SAMD8: variants seen among roughly 807,000 people sequenced by gnomAD.
SAMD8 encodes the protein sterile alpha motif domain containing 8.
SAMD8 carries 20 observed loss-of-function variants against 42.0 expected under a neutral mutation model. The ratio of observed to expected loss-of-function variants is 0.48; its 90% CI spans 0.34 to 0.69. The LOEUF is 0.69. SAMD8 is among the 30% of genes least tolerant of loss of function. The pLI is 0.01. For synonymous variants in SAMD8, 162 were observed against 173.0 expected (o/e 0.94, Z 0.50); for missense variants, 328 against 511.6 (o/e 0.64, Z 3.46).
At chr10:75,155,025 A>G (rs1165338897) in intron 2 of SAMD8, among the ~76,000 whole-genome samples, 1 of 151,966 alleles carries the variant, frequency 6.6e-6, no homozygotes, top group Non-Finnish European at 1.5e-5. Context: ...CCGAGTCACT[A>G]CGACTGCAGG....
At chr10:75,123,793 C>A (rs896670624) in intron 1 of SAMD8, among the ~76,000 whole-genome samples, 1 of 151,788 alleles carries the variant, frequency 6.6e-6, no homozygotes, top group Non-Finnish European at 1.5e-5. Context: ...AGGGCTCAAG[C>A]GACTCTCCAG....
chr10:75,102,715 G>A (rs1319531870), intron 1 of SAMD8, among the ~76,000 whole-genome samples: 1 of 152,170 alleles, frequency 6.6e-6, no homozygotes, highest in Non-Finnish European at 1.5e-5. Context: ...CACTTTGGGA[G>A]GCCGAGGTGG....
chr10:75,112,462 C>G (rs1271574902), intron 1 of SAMD8, among the ~76,000 whole-genome samples: 2 of 152,036 alleles, frequency 1.3e-5, no homozygotes, highest in Non-Finnish European at 1.5e-5. Flanking sequence ...CTTTCTCGTT[C>G]GTGCACAGTG....
upstream of SAMD8, chr10:75,111,581 C>T (rs1417375970): frequency 8.0e-6 from 10 of 1,252,394 alleles, no homozygotes; most frequent in Admixed American, 4.1e-4. Context: ...GCCCCCGCCT[C>T]CACTCCGGCT....
At chr10:75,129,532 C>T (rs1277732008) in intron 1 of SAMD8, among the ~76,000 whole-genome samples, 1 of 152,160 alleles carries the variant, frequency 6.6e-6, no homozygotes, top group Non-Finnish European at 1.5e-5. Flanking sequence ...GCCACCGCAC[C>T]CGGCCTGGAC....
At chr10:75,144,136 T>G (rs1840083599) in intron 1 of SAMD8, among the ~76,000 whole-genome samples, 1 of 151,976 alleles carries the variant, frequency 6.6e-6, no homozygotes, top group African/African-American at 2.4e-5. Flanking sequence ...CCAGGCTCTT[T>G]TTTTCTATTT....
intron 1 of SAMD8, among the ~76,000 whole-genome samples, chr10:75,127,463 G>A (rs563161964): frequency 1.4e-4 from 21 of 152,254 alleles, no homozygotes; most frequent in South Asian, 1.2e-3. Context: ...ATAAAATGAG[G>A]AAATTAATAG....
intron 1 of SAMD8, among the ~76,000 whole-genome samples, chr10:75,146,232 C>T (rs1840127800): frequency 6.7e-6 from 1 of 148,466 alleles, no homozygotes; most frequent in Admixed American, 6.7e-5. Flanking sequence ...TATTTGTTTC[C>T]TGGCTCTCAG....
chr10:75,171,165 T>TTTC (rs1554864016), intron 4 of SAMD8, among the ~76,000 whole-genome samples: 1 of 118,526 alleles, frequency 8.4e-6, no homozygotes, highest in African/African-American at 3.7e-5. Context: ...TTTTTCTTTT[T>TTTC]TTTTTTTTTT....
chr10:75,172,007 C>T (rs1051536574), intron 4 of SAMD8, among the ~76,000 whole-genome samples: 1 of 147,372 alleles, frequency 6.8e-6, no homozygotes, highest in Non-Finnish European at 1.5e-5. Flanking sequence ...GCCTGGGTGA[C>T]AGAGCGAGAC....
At chr10:75,149,432 A>G (rs981999322) in intron 1 of SAMD8, among the ~76,000 whole-genome samples, 1 of 152,200 alleles carries the variant, frequency 6.6e-6, no homozygotes, top group Admixed American at 6.5e-5. Flanking sequence ...TAAAAATTTT[A>G]TTGCTAAAGT....
chr10:75,153,626 ATAAAG>A (rs1317072049), intron 2 of SAMD8, among the ~76,000 whole-genome samples: 1 of 151,988 alleles, frequency 6.6e-6, no homozygotes, highest in Non-Finnish European at 1.5e-5. Context: ...AAAAAAATAC[ATAAAG>A]TAAAATAAAA....
chr10:75,106,407 G>A (rs1295919486), intron 1 of SAMD8, among the ~76,000 whole-genome samples: 1 of 151,916 alleles, frequency 6.6e-6, no homozygotes, highest in East Asian at 1.9e-4. Flanking sequence ...CCTGCAAATT[G>A]TTTCCCCTGG....
At chr10:75,165,977 CAAA>C (rs56839743) in intron 3 of SAMD8, among the ~76,000 whole-genome samples, 4 of 62,504 alleles carry the variant, frequency 6.4e-5, no homozygotes, top group Non-Finnish European at 6.8e-5. Context: ...ACCCTGTCTC[CAAA>C]AAAAAAAAAA....
intron 1 of SAMD8, among the ~76,000 whole-genome samples, chr10:75,128,765 A>C (rs1848786748): frequency 6.6e-6 from 1 of 152,186 alleles, no homozygotes; most frequent in African/African-American, 2.4e-5. Context: ...ACACAGTGAT[A>C]CTGGGCTGGT....
At chr10:75,111,577 G>C, upstream of SAMD8, 1 of 1,250,510 alleles carries the variant, frequency 8.0e-7, no homozygotes, top group Non-Finnish European at 1.0e-6. Context: ...CACCGCCCCC[G>C]CCTCCACTCC....
Position 75,150,921 on chromosome 10 carries a change from C to G in SAMD8, c.393C>G (p.Tyr131Ter). The G allele has an allele frequency of 1.2e-6, 2 of 1,612,568 alleles. No individual in the cohort carries two copies. Among genetic ancestry groups the G allele is most frequent in the Non-Finnish European group, 1.7e-6 (2 of 1,179,372 alleles). ...TAACTGACTTGAATTCTGATCAGTACCAGTACATGAATGGTAAAAACAAAC... is the reference window on the plus strand; with the variant it reads ...TAACTGACTTGAATTCTGATCAGTAGCAGTACATGAATGGTAAAAACAAAC... Reference protein sequence around the residue: ...GPITDLNSDQYQYMNGKNKHS... With the variant: ...GPITDLNSDQ The change falls in exon 2 of 6, where the codon TAC (tyrosine) becomes TAG (stop). Residue 131 changes from tyrosine to a stop codon, truncating the protein, a stop_gained. Transcript: ENST00000542569. LOFTEE classifies it high-confidence loss of function.
chr10:75,171,102 TTA>T (rs1390345908), intron 4 of SAMD8, among the ~76,000 whole-genome samples: 1 of 151,366 alleles, frequency 6.6e-6, no homozygotes, highest in East Asian at 1.9e-4. Context: ...CAAGGTAGGA[TTA>T]TATTGCAAAC....
chr10:75,176,884 A>T lies in SAMD8; in HGVS notation c.*192A>T. On this transcript the variant is annotated 3_prime_UTR_variant, in exon 6 of 6. Transcript: ENST00000542569. The surrounding 1 kb of genome is among the most constrained non-coding windows in gnomAD (Gnocchi z 4.3). ...TCAAGAGTCCTTATGTAGCTATTTG[A>T]ACAGAAAGCTTAAGTAGATGTTTTC... 1.9e-6 allele frequency: 1 copy of T among 537,230 alleles called. No individual in the cohort carries two copies. The highest frequency in any genetic ancestry group is 3.6e-5 in the Admixed American group (1 of 27,636). The allele number at this position is 537,230 out of a possible 1,614,324, so 33.3% of individuals were successfully genotyped here. A position where few individuals can be genotyped will look rare whatever the true frequency, so the allele number is the denominator to read the frequency against.
Sources: gnomAD v4.1 joint callset for allele counts (sites outside exome capture counted in the v4.1 genomes callset) on GRCh38, gnomAD v4.1.1 for gene constraint, Gnocchi (gnomAD v3.1) non-coding constraint, MANE v1.5 for transcripts, NCBI Gene and HGNC (gene_info 2026-07-23, HGNC 2026-07-21) for gene names.